The following LTBP1 variants were observed in gnomAD, a reference collection of about 807,000 sequenced individuals.
LTBP1 encodes latent transforming growth factor beta binding protein 1.
In LTBP1, 129 loss-of-function variants were observed where a neutral mutation model predicts 207.6. The observed-to-expected ratio is 0.62, with a 90% CI of 0.54 to 0.72. The LOEUF (loss-of-function observed/expected upper bound fraction) is 0.72, where lower values mean the gene tolerates loss of function less well. Among genes scored for constraint, LTBP1 ranks in the 30% least tolerant of loss-of-function variants. The pLI is 0.00. For missense variants in LTBP1, 2,281 were observed against 2,217.2 expected, an observed-to-expected ratio of 1.03 and a Z score of -0.58; for synonymous variants, 963 against 833.7, an observed-to-expected ratio of 1.16 and a Z score of -2.67.
intron 20 of LTBP1, 131 bp downstream of exon 20, chr2:33,293,413 G>A (rs1223026172): frequency 2.4e-6 from 2 of 849,894 alleles, no homozygotes; most frequent in Non-Finnish European, 3.4e-6. Flanking sequence ...GCACATATTG[G>A]TTGGCTTGGC....
chr2:32,957,690 A>C (rs1294913495), intron 2 of LTBP1, among the ~76,000 whole-genome samples: 1 of 152,208 alleles, frequency 6.6e-6, no homozygotes, highest in Non-Finnish European at 1.5e-5. Context: ...GAAAGTGAGC[A>C]CTTGCTGTTG....
intron 32 of LTBP1, among the ~76,000 whole-genome samples, chr2:33,390,392 T>C (rs2095305119): frequency 6.6e-6 from 1 of 152,164 alleles, no homozygotes. Flanking sequence ...TAGTAGATAG[T>C]AGATAGTCTC....
intron 5 of LTBP1, among the ~76,000 whole-genome samples, chr2:33,154,943 A>T (rs778335668): frequency 1.8e-4 from 28 of 152,054 alleles, no homozygotes; most frequent in Non-Finnish European, 4.0e-4. Context: ...GGTGCCTGTA[A>T]GTCCAGCGAC....
intron 26 of LTBP1, among the ~76,000 whole-genome samples, chr2:33,353,412 G>T (rs563477490): frequency 6.6e-6 from 1 of 152,256 alleles, no homozygotes; most frequent in African/African-American, 2.4e-5. Context: ...AACACGCCTT[G>T]CTTTTGTGGC....
intron 31 of LTBP1, among the ~76,000 whole-genome samples, chr2:33,378,216 TG>T (rs2095167946): frequency 6.2e-5 from 9 of 145,478 alleles, no homozygotes; most frequent in Admixed American, 2.1e-4. Context: ...TGTGTGTGTG[TG>T]TGTGTTTTGT....
At chr2:33,328,191 A>G (rs1030764521) in intron 24 of LTBP1, among the ~76,000 whole-genome samples, 5 of 134,530 alleles carry the variant, frequency 3.7e-5, no homozygotes, top group African/African-American at 8.2e-5. Flanking sequence ...ATGCATGTAG[A>G]AAAGTGCCTA....
At chr2:33,174,444 T>G (rs1279780868) in intron 5 of LTBP1, among the ~76,000 whole-genome samples, 2 of 152,258 alleles carry the variant, frequency 1.3e-5, no homozygotes, top group East Asian at 3.9e-4. Context: ...GAATCCAACT[T>G]ACAAGGGATG....
Position 33,276,053 on chromosome 2 carries a change from A to G in LTBP1, c.2992+130A>G, listed in dbSNP as rs2148433565. 4.3e-6 allele frequency: 5 copies of G among 1,154,180 alleles called. No individual in the cohort carries two copies. In the East Asian group the frequency reaches 1.4e-4, roughly 32 times the overall value. The allele number at this position is 1,154,180 out of a possible 1,614,324, so 71.5% of individuals were successfully genotyped here. On this transcript the variant is annotated intron_variant, in intron 18 of 33. Coordinates refer to ENST00000404816, the MANE Select transcript of LTBP1 (RefSeq NM_206943.4). ...TTTATCCAAGCTCTTTCTGCTTCCT[A>G]GATTCACAGGCTCTTTGCCTCTTCC...
At chr2:33,063,811 C>T (rs1177976448) in intron 3 of LTBP1, among the ~76,000 whole-genome samples, 1 of 150,972 alleles carries the variant, frequency 6.6e-6, no homozygotes, top group African/African-American at 2.4e-5. Flanking sequence ...ATAGAGATTT[C>T]TGAAGATGTT....
intron 2 of LTBP1, among the ~76,000 whole-genome samples, chr2:32,965,040 A>T (rs964536799): frequency 2.6e-5 from 4 of 151,922 alleles, no homozygotes; most frequent in East Asian, 1.9e-4. Context: ...CTATCTTAAT[A>T]AAAAAAACAA....
At chr2:32,995,520 G>A (rs924108605) in intron 2 of LTBP1, among the ~76,000 whole-genome samples, 7 of 152,038 alleles carry the variant, frequency 4.6e-5, no homozygotes, top group African/African-American at 1.4e-4. Flanking sequence ...GGTGGCTCAC[G>A]CCTGTAATCC....
Position 33,021,161 on chromosome 2 carries a change from T to C in LTBP1, c.818T>C (p.Leu273Pro). 1 of 1,610,296 alleles carries C rather than the reference T, an allele frequency of 6.2e-7. No individual in the cohort carries two copies. Among genetic ancestry groups the C allele is most frequent in the South Asian group, 1.1e-5 (1 of 90,178 alleles). ...VSPVAQMTLT[L>P]KPKPSVGLPQ... ...CCTGTGGCCCAGATGACCTTAACCC[T>C]CAAGCCGAAGCCTTCAGTGGGACTC... The change falls in exon 3 of 34, where the codon CTC becomes CCC. Residue 273 changes from leucine (L) to proline (P), a missense_variant. Physicochemically the swap from Leu to Pro is moderately conservative, Grantham distance 98. Coordinates refer to ENST00000404816, the MANE Select transcript of LTBP1 (RefSeq NM_206943.4).
At chr2:33,340,498 G>A (rs1157241816) in intron 24 of LTBP1, among the ~76,000 whole-genome samples, 1 of 152,198 alleles carries the variant, frequency 6.6e-6, no homozygotes, top group Non-Finnish European at 1.5e-5. Context: ...TTCCGTCACT[G>A]AACGTGGGAA....
intron 2 of LTBP1, among the ~76,000 whole-genome samples, chr2:33,012,805 A>G (rs570232081): frequency 4.6e-5 from 7 of 152,256 alleles, no homozygotes; most frequent in African/African-American, 1.7e-4. Flanking sequence ...TGTGCATAAT[A>G]GTTTACAGTC....
intron 5 of LTBP1, among the ~76,000 whole-genome samples, chr2:33,153,141 T>A (rs1029618453): frequency 2.6e-5 from 4 of 152,246 alleles, no homozygotes; most frequent in Non-Finnish European, 5.9e-5. Context: ...GGATGTACAG[T>A]ATGTTCCCCT....
intron 5 of LTBP1, among the ~76,000 whole-genome samples, chr2:33,179,453 CT>C (rs1029164879): frequency 9.5e-5 from 14 of 147,930 alleles, no homozygotes; most frequent in Middle Eastern, 3.6e-3. Flanking sequence ...TGCATATATT[CT>C]TAAAAAAAAA....
intron 2 of LTBP1, among the ~76,000 whole-genome samples, chr2:32,981,705 G>A (rs1682787378): frequency 6.6e-6 from 1 of 152,148 alleles, no homozygotes; most frequent in Non-Finnish European, 1.5e-5. Context: ...GGGACCTGGT[G>A]GAAGGTAGTT....
At chr2:33,328,821 A>G (rs565202282) in intron 24 of LTBP1, among the ~76,000 whole-genome samples, 2 of 152,162 alleles carry the variant, frequency 1.3e-5, no homozygotes, top group Admixed American at 6.5e-5. Flanking sequence ...TTTATTCAAC[A>G]TTGCATTTGT....
intron 9 of LTBP1, among the ~76,000 whole-genome samples, chr2:33,233,826 T>G (rs2091912109): frequency 6.6e-6 from 1 of 152,094 alleles, no homozygotes; most frequent in Non-Finnish European, 1.5e-5. Context: ...TCTACTTATT[T>G]ATATATTTTG....
Sources: gnomAD v4.1 joint callset for allele counts (sites outside exome capture counted in the v4.1 genomes callset) on GRCh38, gnomAD v4.1.1 for gene constraint, MANE v1.5 for transcripts, NCBI Gene and HGNC (gene_info 2026-07-23, HGNC 2026-07-21) for gene names.